The following PDS5B variants were observed in gnomAD, a reference collection of about 807,000 sequenced individuals.
The protein encoded by PDS5B is sister chromatid cohesion protein PDS5 homolog B.
PDS5B carries 51 observed loss-of-function variants against 184.1 expected under a neutral mutation model. That is an observed-to-expected ratio of 0.28 (90% CI 0.22 to 0.35). PDS5B has a LOEUF of 0.35. Ranked by LOEUF, PDS5B falls within the 10% of genes least tolerant of loss-of-function variation. The pLI is 1.00. For synonymous variants in PDS5B, 566 were observed against 569.2 expected, an observed-to-expected ratio of 0.99 and a Z score of 0.08; for missense variants, 1,180 against 1,723.3, an observed-to-expected ratio of 0.68 and a Z score of 5.58.
intron 6 of PDS5B, among the ~76,000 whole-genome samples, chr13:32,661,407 A>AAAAAC (rs1236648719): frequency 6.7e-6 from 1 of 149,614 alleles, no homozygotes; most frequent in African/African-American, 2.5e-5. Context: ...AAAAAAAAAA[A>AAAAAC]AAACAGAAAA....
intron 1 of PDS5B, among the ~76,000 whole-genome samples, chr13:32,633,058 T>G (rs945028671): frequency 6.6e-6 from 1 of 152,168 alleles, no homozygotes; most frequent in Non-Finnish European, 1.5e-5. Context: ...CAGTGAAATT[T>G]GACAGAAAAG....
At chr13:32,587,389 A>G (rs1195079429) in intron 1 of PDS5B, among the ~76,000 whole-genome samples, 1 of 152,188 alleles carries the variant, frequency 6.6e-6, no homozygotes, top group African/African-American at 2.4e-5. Context: ...TTCCTTTCAG[A>G]AGGAACGGCG....
intron 31 of PDS5B, among the ~76,000 whole-genome samples, chr13:32,768,061 C>T (rs935144764): frequency 5.3e-5 from 8 of 152,220 alleles, no homozygotes; most frequent in Non-Finnish European, 1.0e-4. Context: ...TCTCATCTCA[C>T]ATTCTGTTCT....
chr13:32,631,885 G>C (rs2058461391), intron 1 of PDS5B, among the ~76,000 whole-genome samples: 1 of 152,200 alleles, frequency 6.6e-6, no homozygotes, highest in South Asian at 2.1e-4. Flanking sequence ...AAAAACGGCA[G>C]AATCTGAAGC....
At chr13:32,673,108 A>G in intron 7 of PDS5B, 108 bp from the exon 8 acceptor site, 3 of 916,720 alleles carry the variant, frequency 3.3e-6, no homozygotes, top group African/African-American at 1.7e-5. Flanking sequence ...TGATATGCCT[A>G]GTTTGACTTT....
chr13:32,682,268 C>T (rs1428991207), intron 10 of PDS5B, among the ~76,000 whole-genome samples: 1 of 152,006 alleles, frequency 6.6e-6, no homozygotes, highest in African/African-American at 2.4e-5. Flanking sequence ...TTCCATGATG[C>T]CAAAAAGTCC....
chr13:32,606,214 C>A (rs1406583501), intron 1 of PDS5B, among the ~76,000 whole-genome samples: 1 of 152,150 alleles, frequency 6.6e-6, no homozygotes, highest in Non-Finnish European at 1.5e-5. Flanking sequence ...CTGGTTGTTC[C>A]TTTCCAGATT....
chr13:32,633,895 G>T lies in PDS5B; in HGVS notation c.-19-14859G>T, dbSNP rs2058497414. On this transcript the variant is annotated intron_variant, in intron 1 of 34. Coordinates refer to ENST00000315596, the MANE Select transcript of PDS5B (RefSeq NM_015032.4). ...CATTGGGTCCTTACATATCAATATG[G>T]GTGGTACTTTTATGCCCATTTTATT... Among the ~76,000 whole-genome samples, 3 of 152,162 alleles carry T rather than the reference G, an allele frequency of 2.0e-5. 1 individual carries two copies. In the Middle Eastern group the frequency reaches 0.01, roughly 518 times the overall value.
chr13:32,676,932 CAAAAAAAAAA>C lies in PDS5B; in HGVS notation c.962+988_962+997del, dbSNP rs4057303. Among the ~76,000 whole-genome samples, 32 of 78,820 alleles carry C rather than the reference CAAAAAAAAAA, an allele frequency of 4.1e-4. No homozygotes were observed. In the East Asian group the frequency reaches 0.011, roughly 27 times the overall value. 51.7% of individuals were successfully genotyped at this position (78,820 alleles called of 152,430 possible). ...GGCGACAGAGCGAGACTCTTGTCTC[CAAAAAAAAAA>C]AAAAAAAAAAAAAAGATTTAAAGGC... is the stretch of plus-strand genomic sequence containing the variant. On this transcript the variant is annotated intron_variant, in intron 9 of 34. Coordinates refer to ENST00000315596, the MANE Select transcript of PDS5B (RefSeq NM_015032.4).
intron 10 of PDS5B, among the ~76,000 whole-genome samples, 153 bp from the exon 11 acceptor site, chr13:32,683,725 T>C (rs1951312306): frequency 6.6e-6 from 1 of 152,186 alleles, no homozygotes; most frequent in African/African-American, 2.4e-5. Flanking sequence ...ACTAATCTTC[T>C]TTCTTCCTTC....
intron 1 of PDS5B, among the ~76,000 whole-genome samples, chr13:32,604,876 A>G (rs2058036166): frequency 6.6e-6 from 1 of 152,190 alleles, no homozygotes; most frequent in Non-Finnish European, 1.5e-5. Context: ...TGTTTATAGT[A>G]TTCTCTGATG....
At chr13:32,677,215 A>G (rs900338961) in intron 9 of PDS5B, among the ~76,000 whole-genome samples, 14 of 152,056 alleles carry the variant, frequency 9.2e-5, no homozygotes, top group African/African-American at 3.4e-4. Context: ...TTTCTTTTAA[A>G]TACAATGGAA....
chr13:32,774,968 AT>A, intron 34 of PDS5B, 48 bp from the exon 35 acceptor site: 1 of 1,499,158 alleles, frequency 6.7e-7, no homozygotes, highest in Non-Finnish European at 9.3e-7. Flanking sequence ...TGCATATCTT[AT>A]GCACATATAC....
chr13:32,682,047 C>A (rs948682100), intron 10 of PDS5B, among the ~76,000 whole-genome samples: 15 of 152,112 alleles, frequency 9.9e-5, no homozygotes, highest in African/African-American at 3.4e-4. Context: ...CTTAATTATT[C>A]TCTGCCACAG....
intron 27 of PDS5B, among the ~76,000 whole-genome samples, 155 bp from the exon 28 acceptor site, chr13:32,758,379 A>G (rs1954261006): frequency 6.6e-6 from 1 of 152,204 alleles, no homozygotes; most frequent in African/African-American, 2.4e-5. Flanking sequence ...CAAGTAAATG[A>G]GCAAAACCAG....
rs1352733699 is a variant in PDS5B at position 32,716,878 on chromosome 13, C to T, written c.2123+6772C>T. ...CCCCCCGCCCGGCCAGCCGCCCCGT[C>T]CGGGAGGTGAGGGGTGCCTTTGCCT... is the stretch of plus-strand genomic sequence containing the variant. On this transcript the variant is annotated intron_variant, in intron 19 of 34. Coordinates refer to ENST00000315596, the MANE Select transcript of PDS5B (RefSeq NM_015032.4). 3.4e-5 allele frequency among the ~76,000 whole-genome samples: 4 copies of T among 118,092 alleles called. No homozygotes were observed. The East Asian group carries it at 1.0e-3, about 30-fold the overall frequency. 77.5% of individuals were successfully genotyped at this position (118,092 alleles called of 152,430 possible).
At position 32,731,661 on chromosome 13, in the gene PDS5B, A is replaced by G. The variant is rs371417266; in HGVS notation, c.2124-440A>G. 8.5e-5 allele frequency among the ~76,000 whole-genome samples: 13 copies of G among 152,300 alleles called. No homozygotes were observed. In the South Asian group the frequency reaches 2.7e-3, roughly 32 times the overall value. On this transcript the variant is annotated intron_variant, in intron 19 of 34. Coordinates refer to ENST00000315596, the MANE Select transcript of PDS5B (RefSeq NM_015032.4). ...AATATTGCTTAATAAGCATTGTTTAATCAGATTTTCCTTTTTGTGGTTTGC... is the reference window on the plus strand; with the variant it reads ...AATATTGCTTAATAAGCATTGTTTAGTCAGATTTTCCTTTTTGTGGTTTGC...
At chr13:32,690,962 C>G (rs895730020) in intron 13 of PDS5B, 13 of 152,070 alleles carry the variant, frequency 8.5e-5, no homozygotes, top group Admixed American at 7.2e-4. Flanking sequence ...TATTTTAGTA[C>G]TTTATATTTA....
intron 3 of PDS5B, among the ~76,000 whole-genome samples, chr13:32,655,374 A>ATATATATATATATATATAT: frequency 1.7e-4 from 12 of 72,466 alleles, no homozygotes; most frequent in African/African-American, 4.1e-4. Context: ...ATATATATAT[A>ATATATATATATATATATAT]TTTTTTTTTT....
Sources: gnomAD v4.1 joint callset for allele counts (sites outside exome capture counted in the v4.1 genomes callset) on GRCh38, gnomAD v4.1.1 for gene constraint, MANE v1.5 for transcripts, NCBI Gene and HGNC (gene_info 2026-07-23, HGNC 2026-07-21) for gene names.